The following CACNB4 variants were observed in gnomAD, a reference collection of about 807,000 sequenced individuals.
The protein encoded by CACNB4 is calcium voltage-gated channel auxiliary subunit beta 4, also known as voltage-dependent L-type calcium channel subunit beta-4.
A neutral mutation model predicts 71.2 loss-of-function variants in CACNB4; 32 were observed. That is an observed-to-expected ratio of 0.45 (90% confidence interval 0.34 to 0.60). The LOEUF is 0.60. CACNB4 is among the 20% of genes least tolerant of loss of function. The pLI, the probability that CACNB4 is intolerant of heterozygous loss-of-function variation, is 0.01. For synonymous variants in CACNB4, 231 were observed against 236.9 expected (o/e 0.97, Z 0.23); for missense variants, 464 against 647.9 (o/e 0.72, Z 3.08).
At chr2:152,097,512 T>C (rs917714924) in intron 2 of CACNB4, among the ~76,000 whole-genome samples, 2 of 152,186 alleles carry the variant, frequency 1.3e-5, no homozygotes, top group South Asian at 2.1e-4. Context: ...TTGCATGATC[T>C]CTCTAGCACC....
intron 2 of CACNB4, among the ~76,000 whole-genome samples, chr2:151,994,048 T>C (rs1681889228): frequency 6.6e-6 from 1 of 151,852 alleles, no homozygotes; most frequent in Non-Finnish European, 1.5e-5. Flanking sequence ...GGTGTGTGCC[T>C]GTAGTCTCAG....
Position 151,834,576 on chromosome 2 carries a change from A to C in CACNB4, c.*4543T>G, listed in dbSNP as rs1182018136. On this transcript the variant is annotated 3_prime_UTR_variant, in exon 14 of 14. Transcript: ENST00000539935. ...TTTAATAAAAGAAGAAACTTTTAAA[A>C]GTAATTTTTGAATGCTGTAGTTCTG... 1.3e-5 allele frequency: 2 copies of C among 152,028 alleles called. No individual in the cohort carries two copies. Among genetic ancestry groups the C allele is most frequent in the Non-Finnish European group, 2.9e-5 (2 of 67,862 alleles). The allele number at this position is 152,028 out of a possible 1,614,324, so 9.4% of individuals were successfully genotyped here.
Position 151,834,696 on chromosome 2 carries a change from ATTGAC to A in CACNB4, c.*4418_*4422del, listed in dbSNP as rs1394753831. 6.6e-6 allele frequency: 1 copy of A among 151,986 alleles called. No individual in the cohort carries two copies. The highest frequency in any genetic ancestry group is 2.4e-5 in the African/African-American group (1 of 41,438). The allele number at this position is 151,986 out of a possible 1,614,324, so 9.4% of individuals were successfully genotyped here. On this transcript the variant is annotated 3_prime_UTR_variant, in exon 14 of 14. Coordinates refer to ENST00000539935, the MANE Select transcript of CACNB4 (RefSeq NM_000726.5). Reference sequence around the variant, plus strand: ...TATTGTCTGTCTAACAGCTAATTGGATTGACTTGACTGGTTTGATCATGATTATTT... The same window carrying A: ...TATTGTCTGTCTAACAGCTAATTGGATTGACTGGTTTGATCATGATTATTT...
At chr2:151,895,143 C>A in intron 2 of CACNB4, among the ~76,000 whole-genome samples, 1 of 144,154 alleles carries the variant, frequency 6.9e-6, no homozygotes, top group Non-Finnish European at 1.5e-5. Context: ...CACACACACA[C>A]ACAAATCCTG....
At chr2:151,907,502 A>G (rs920400541) in intron 2 of CACNB4, among the ~76,000 whole-genome samples, 1 of 152,184 alleles carries the variant, frequency 6.6e-6, no homozygotes, top group Non-Finnish European at 1.5e-5. Context: ...TACATAACCA[A>G]GGTGCATTTG....
In CACNB4 at chr2:151,925,760, G is replaced by A. The variant is rs547291187; in HGVS notation, c.148-42390C>T. Among the ~76,000 whole-genome samples the A allele has an allele frequency of 2.6e-5, 4 of 152,218 alleles. No homozygotes were observed. In the South Asian group the frequency reaches 8.3e-4, roughly 32 times the overall value. ...GAAAGGGCCTTAGAGGCTGGTGTAG[G>A]GGGCAACAGCAAGGTGGTGGAGAAG... On this transcript the variant is annotated intron_variant, in intron 2 of 13. Coordinates refer to ENST00000539935, the MANE Select transcript of CACNB4 (RefSeq NM_000726.5).
At chr2:152,034,016 G>C (rs1427844825) in intron 2 of CACNB4, among the ~76,000 whole-genome samples, 1 of 151,954 alleles carries the variant, frequency 6.6e-6, no homozygotes, top group Non-Finnish European at 1.5e-5. Context: ...CCTAACACCT[G>C]GGGGGGAAAA....
chr2:152,010,976 T>A (rs1440273429), intron 2 of CACNB4, among the ~76,000 whole-genome samples: 1 of 152,128 alleles, frequency 6.6e-6, no homozygotes, highest in East Asian at 1.9e-4. Context: ...GCTCCCCTCA[T>A]ATTTAAGAGC....
Position 151,931,317 on chromosome 2 carries a change from G to T in CACNB4, c.148-47947C>A, listed in dbSNP as rs186763630. On this transcript the variant is annotated intron_variant, in intron 2 of 13. Coordinates refer to ENST00000539935, the MANE Select transcript of CACNB4 (RefSeq NM_000726.5). Reference sequence around the variant, plus strand: ...GAAGCCTATTACTGATATTTCTATAGACAAACTAAGCCCCGAAGTTGCCCT... The same window carrying T: ...GAAGCCTATTACTGATATTTCTATATACAAACTAAGCCCCGAAGTTGCCCT... Among the ~76,000 whole-genome samples, 5 of 152,236 alleles carry T rather than the reference G, an allele frequency of 3.3e-5. No homozygotes were observed. In the East Asian group the frequency reaches 9.6e-4, roughly 29 times the overall value.
At chr2:151,854,639 G>A (rs78939633) in intron 11 of CACNB4, among the ~76,000 whole-genome samples, 5 of 152,136 alleles carry the variant, frequency 3.3e-5, no homozygotes, top group Non-Finnish European at 7.4e-5. Context: ...ACCAATTTGG[G>A]GCTATTTCAC....
intron 2 of CACNB4, among the ~76,000 whole-genome samples, chr2:152,029,451 G>A (rs1244717802): frequency 4.9e-5 from 7 of 141,824 alleles, no homozygotes; most frequent in Admixed American, 3.0e-4. Context: ...CCAAGACCAC[G>A]CCACTGCACT....
intron 2 of CACNB4, among the ~76,000 whole-genome samples, chr2:151,995,567 G>C (rs947812912): frequency 2.0e-5 from 3 of 152,194 alleles, no homozygotes; most frequent in African/African-American, 7.2e-5. Flanking sequence ...CAATTAGCCT[G>C]GCATGGTGGC....
At chr2:151,870,753 T>C in intron 7 of CACNB4, 89 bp downstream of exon 7, 2 of 1,253,042 alleles carry the variant, frequency 1.6e-6, no homozygotes, top group Middle Eastern at 1.9e-4. Context: ...TCCCTTATTT[T>C]ATAGCCACTT....
chr2:151,985,479 G>A (rs186918570), intron 2 of CACNB4, among the ~76,000 whole-genome samples: 8 of 152,234 alleles, frequency 5.3e-5, no homozygotes, highest in Non-Finnish European at 7.4e-5. Context: ...GTATATGAAT[G>A]CTTTTAAGCC....
intron 2 of CACNB4, among the ~76,000 whole-genome samples, chr2:151,897,145 A>T (rs949764621): frequency 3.9e-5 from 6 of 152,230 alleles, no homozygotes; most frequent in African/African-American, 1.4e-4. Context: ...ATTTCTCTCC[A>T]AAGCTCTTTC....
intron 2 of CACNB4, among the ~76,000 whole-genome samples, chr2:151,941,672 G>T (rs747685134): frequency 2.0e-5 from 3 of 152,044 alleles, no homozygotes; most frequent in African/African-American, 2.4e-5. Flanking sequence ...TGATCAAGAT[G>T]ATAAGACTTA....
chr2:151,933,542 C>T (rs1255055448), intron 2 of CACNB4, among the ~76,000 whole-genome samples: 3 of 151,996 alleles, frequency 2.0e-5, no homozygotes, highest in Admixed American at 6.6e-5. Context: ...AAAGACCAAG[C>T]AATGCATTCA....
intron 2 of CACNB4, among the ~76,000 whole-genome samples, chr2:152,086,333 C>T: frequency 6.6e-6 from 1 of 152,192 alleles, no homozygotes; most frequent in East Asian, 1.9e-4. Flanking sequence ...TAAAACACAT[C>T]CTCAAACTAA....
At chr2:151,876,581 A>T (rs2099846307) in intron 4 of CACNB4, 25 bp from the exon 5 acceptor site, 1 of 1,537,228 alleles carries the variant, frequency 6.5e-7, no homozygotes, top group Middle Eastern at 1.7e-4. Context: ...TAAAATTGCT[A>T]TCAATAGTAA....
Sources: allele counts gnomAD v4.1 joint callset (sites outside exome capture counted in the v4.1 genomes callset), GRCh38; gene constraint gnomAD v4.1.1; transcripts MANE v1.5; gene names NCBI Gene and HGNC (gene_info 2026-07-23, HGNC 2026-07-21).